Variants in COL11A1 observed in about 807,000 individuals in gnomAD.
COL11A1 encodes collagen alpha-1(XI) chain.
COL11A1 carries 74 observed loss-of-function variants against 265.2 expected under a neutral mutation model. The ratio of observed to expected loss-of-function variants is 0.28; its 90% CI spans 0.23 to 0.34. The LOEUF is 0.34. Among genes scored for constraint, COL11A1 ranks in the 10% least tolerant of loss-of-function variants. The pLI is 1.00. For missense variants in COL11A1, 2,165 were observed against 2,263.6 expected, an observed-to-expected ratio of 0.96 and a Z score of 0.88; for synonymous variants, 816 against 727.6, an observed-to-expected ratio of 1.12 and a Z score of -1.96.
At chr1:102,938,718 T>C (rs926277543) in intron 44 of COL11A1, among the ~76,000 whole-genome samples, 3 of 152,168 alleles carry the variant, frequency 2.0e-5, no homozygotes, top group Non-Finnish European at 4.4e-5. Context: ...ATAGTAATAC[T>C]GTTAATTTTG....
chr1:103,074,879 G>A lies in COL11A1; in HGVS notation c.489-99C>T, dbSNP rs116786201. ...GCTGTGTATTTTAAATTATAAAAATGAGCTAAAATCATACAAAAAATGTAG... is the reference window on the plus strand; with the variant it reads ...GCTGTGTATTTTAAATTATAAAAATAAGCTAAAATCATACAAAAAATGTAG... On this transcript the variant is annotated intron_variant, in intron 3 of 66. Coordinates refer to ENST00000370096, the MANE Select transcript of COL11A1 (RefSeq NM_001854.4). The A allele has an allele frequency of 2.9e-3, 3,968 of 1,376,604 alleles. 88 individuals carry two copies. The African/African-American group carries it at 0.05, about 17-fold the overall frequency. 85.3% of individuals were successfully genotyped at this position (1,376,604 alleles called of 1,614,324 possible). A position where few individuals can be genotyped will look rare whatever the true frequency, so the allele number is the denominator to read the frequency against.
At chr1:102,932,631 A>G (rs12750700) in intron 46 of COL11A1, among the ~76,000 whole-genome samples, 19 of 152,040 alleles carry the variant, frequency 1.2e-4, no homozygotes, top group Non-Finnish European at 8.8e-5. Context: ...GAATCTGAAC[A>G]TTGGCCTGCC....
At chr1:102,942,518 C>T (rs1658828383) in intron 42 of COL11A1, among the ~76,000 whole-genome samples, 1 of 151,942 alleles carries the variant, frequency 6.6e-6, no homozygotes, top group South Asian at 2.1e-4. Context: ...ACATTCATCT[C>T]TCCTTGTAAC....
intron 44 of COL11A1, 44 bp downstream of exon 44, chr1:102,938,991 T>G (rs377124424): frequency 1.9e-6 from 3 of 1,554,556 alleles, no homozygotes; most frequent in Non-Finnish European, 8.9e-7. Context: ...CAGTAAAAGT[T>G]GTTAAATAAA....
intron 28 of COL11A1, among the ~76,000 whole-genome samples, chr1:102,990,254 A>G (rs906557162): frequency 6.6e-6 from 1 of 152,148 alleles, no homozygotes; most frequent in African/African-American, 2.4e-5. Flanking sequence ...TTGTATTACA[A>G]GAGCTCTGGA....
intron 46 of COL11A1, among the ~76,000 whole-genome samples, chr1:102,927,545 T>G (rs1418034433): frequency 2.0e-5 from 3 of 151,786 alleles, no homozygotes; most frequent in Non-Finnish European, 4.4e-5. Context: ...TGAAACCCCG[T>G]CTCCGGAGAA....
chr1:103,060,883 A>G (rs550991215), intron 4 of COL11A1, among the ~76,000 whole-genome samples: 29 of 152,234 alleles, frequency 1.9e-4, no homozygotes, highest in Admixed American at 1.1e-3. Flanking sequence ...ATAATAACAT[A>G]TATGGTGAAT....
intron 46 of COL11A1, among the ~76,000 whole-genome samples, chr1:102,924,495 C>T (rs1339798719): frequency 1.3e-5 from 2 of 152,204 alleles, no homozygotes; most frequent in East Asian, 1.9e-4. Context: ...TTTCTTATGT[C>T]ACTTTTGTGT....
At chr1:102,988,995 A>G (rs1663852653) in intron 29 of COL11A1, among the ~76,000 whole-genome samples, 1 of 152,146 alleles carries the variant, frequency 6.6e-6, no homozygotes, top group African/African-American at 2.4e-5. Flanking sequence ...TTCCCAATAA[A>G]GCATTTAATT....
intron 54 of COL11A1, among the ~76,000 whole-genome samples, chr1:102,904,526 A>G (rs1337174721): frequency 6.6e-6 from 1 of 152,084 alleles, no homozygotes. Flanking sequence ...ACAAATTTAC[A>G]AGAAAAAAAC....
chr1:103,005,879 A>G lies in COL11A1; in HGVS notation c.1804T>C (p.Phe602Leu). The change falls in exon 18 of 67, where the codon TTT becomes CTT. Residue 602 changes from phenylalanine to leucine, a missense_variant. Physicochemically the swap from Phe to Leu is conservative, Grantham distance 22. Transcript: ENST00000370096. The stretch of plus-strand genomic sequence containing the variant: ...CCTGGCAGACCCGGAAGTCCATCAA[A>G]CCCTCGATCTCCCTGTAAAACCATC... ...GEPGAKGDRG[F>L]DGLPGLPGDK... The G allele has an allele frequency of 6.2e-7, 1 of 1,608,262 alleles. No individual in the cohort carries two copies. The highest frequency in any genetic ancestry group is 2.2e-5 in the East Asian group (1 of 44,488).
chr1:102,910,083 GTT>G (rs1187366323), intron 54 of COL11A1, among the ~76,000 whole-genome samples: 2 of 151,664 alleles, frequency 1.3e-5, no homozygotes, highest in Non-Finnish European at 2.9e-5. Flanking sequence ...ATAGTTATAG[GTT>G]TATATATAAG....
At chr1:102,959,030 A>T (rs901591169) in intron 41 of COL11A1, among the ~76,000 whole-genome samples, 6 of 152,194 alleles carry the variant, frequency 3.9e-5, no homozygotes, top group Non-Finnish European at 7.4e-5. Flanking sequence ...CTACATCTGC[A>T]ATGTCCTTGG....
At position 102,892,528 on chromosome 1, in the gene COL11A1, C is replaced by G. The variant is rs189009696; in HGVS notation, c.4303-2024G>C. Among the ~76,000 whole-genome samples, 185 of 152,194 alleles carry G rather than the reference C, an allele frequency of 1.2e-3. 1 individual carries two copies. The highest frequency in any genetic ancestry group is 1.1e-3 in the Non-Finnish European group (74 of 68,008). On this transcript the variant is annotated intron_variant, in intron 57 of 66. Transcript: ENST00000370096. The stretch of plus-strand genomic sequence containing the variant: ...TTCTTAGCTACTTAAATTAATTGGA[C>G]AAATAGAGCTTCAGTTTTCTCATCT...
At chr1:103,071,467 CTTTTTTTTTTT>C (rs869263393) in intron 4 of COL11A1, among the ~76,000 whole-genome samples, 5 of 49,892 alleles carry the variant, frequency 1.0e-4, no homozygotes, top group Admixed American at 4.4e-4. Context: ...GTTGGTAGGA[CTTTTTTTTTTT>C]TTTTTTTTTT....
chr1:102,976,943 A>G (rs1268090120), intron 35 of COL11A1, among the ~76,000 whole-genome samples: 2 of 152,142 alleles, frequency 1.3e-5, no homozygotes, highest in Admixed American at 1.3e-4. Flanking sequence ...GCAAATTATG[A>G]TTATGAGGGA....
At position 103,063,397 on chromosome 1, in the gene COL11A1, C is replaced by G. The variant is rs186907339; in HGVS notation, c.651+11221G>C. ...AGATCAATGGAATAGAATAAAGATCCTAGAAAAAGATCCATATAAATATAC... is the reference window on the plus strand; with the variant it reads ...AGATCAATGGAATAGAATAAAGATCGTAGAAAAAGATCCATATAAATATAC... On this transcript the variant is annotated intron_variant, in intron 4 of 66. Coordinates refer to ENST00000370096, the MANE Select transcript of COL11A1 (RefSeq NM_001854.4). Among the ~76,000 whole-genome samples, 673 of 152,002 alleles carry G rather than the reference C, an allele frequency of 4.4e-3. 4 individuals carry two copies. Among genetic ancestry groups the G allele is most frequent in the African/African-American group, 0.015 (626 of 41,490 alleles).
At chr1:103,059,266 C>T (rs1056114444) in intron 4 of COL11A1, among the ~76,000 whole-genome samples, 1 of 152,164 alleles carries the variant, frequency 6.6e-6, no homozygotes, top group Non-Finnish European at 1.5e-5. Flanking sequence ...CTTCAGCCAT[C>T]CTGTTCCACC....
At chr1:102,962,013 A>G in intron 40 of COL11A1, 94 bp from the exon 41 acceptor site, 1 of 1,204,288 alleles carries the variant, frequency 8.3e-7, no homozygotes, top group Non-Finnish European at 1.2e-6. Flanking sequence ...GATGTCAGGT[A>G]ATGTTTATAG....
Sources: allele counts gnomAD v4.1 joint callset (sites outside exome capture counted in the v4.1 genomes callset), GRCh38; gene constraint gnomAD v4.1.1; transcripts MANE v1.5; gene names NCBI Gene and HGNC (gene_info 2026-07-23, HGNC 2026-07-21).